Variants in PIGU observed in about 807,000 individuals in gnomAD.
PIGU encodes the protein phosphatidylinositol glycan anchor biosynthesis class U.
A neutral mutation model predicts 49.9 loss-of-function variants in PIGU; 24 were observed. That is an observed-to-expected ratio of 0.48 (90% CI 0.35 to 0.68). PIGU has a LOEUF of 0.68. Among genes scored for constraint, PIGU ranks in the 30% least tolerant of loss-of-function variants. PIGU has a pLI of 0.01. For missense variants in PIGU, 490 were observed against 532.6 expected, an observed-to-expected ratio of 0.92 and a Z score of 0.79; for synonymous variants, 220 against 205.7, an observed-to-expected ratio of 1.07 and a Z score of -0.59.
chr20:34,632,298 A>G (rs1370526585), intron 6 of PIGU, among the ~76,000 whole-genome samples: 1 of 152,124 alleles, frequency 6.6e-6, no homozygotes, highest in Non-Finnish European at 1.5e-5. Flanking sequence ...CTACCCAACT[A>G]TTAATTTGGT....
intron 10 of PIGU, among the ~76,000 whole-genome samples, chr20:34,579,889 C>T (rs753776082): frequency 6.6e-6 from 1 of 152,226 alleles, no homozygotes; most frequent in Non-Finnish European, 1.5e-5. Context: ...AGAGACTCCC[C>T]TGCATAATTA....
chr20:34,593,695 A>G (rs918609303), intron 7 of PIGU, among the ~76,000 whole-genome samples: 20 of 152,352 alleles, frequency 1.3e-4, no homozygotes, highest in African/African-American at 4.3e-4. Context: ...CCTATCTCTC[A>G]CACCATTCAC....
In PIGU at chr20:34,616,155, A is replaced by C. The variant is rs1201114839; in HGVS notation, c.530-16T>G. 6.2e-7 allele frequency: 1 copy of C among 1,611,510 alleles called. No individual in the cohort carries two copies. Among genetic ancestry groups the C allele is most frequent in the Admixed American group, 1.7e-5 (1 of 59,582 alleles). ...AAAGCACTGCCTGTAAAAAGAAAGA[A>C]ATGTATGGAATAATCCAGCCTCATC... On this transcript the variant is annotated splice_polypyrimidine_tract_variant and intron_variant, in intron 6 of 11. Transcript: ENST00000217446.
intron 10 of PIGU, among the ~76,000 whole-genome samples, chr20:34,576,503 C>G (rs531293726): frequency 1.7e-3 from 253 of 152,282 alleles, no homozygotes; most frequent in Non-Finnish European, 2.8e-3. Flanking sequence ...CAGAGGCCCC[C>G]TGCATTCCTT....
chr20:34,591,727 C>T (rs1407932645), intron 7 of PIGU, among the ~76,000 whole-genome samples: 1 of 152,116 alleles, frequency 6.6e-6, no homozygotes, highest in Admixed American at 6.5e-5. Flanking sequence ...ATATTATTAA[C>T]TATAGTCATG....
At chr20:34,568,662 G>A (rs1170954892) in intron 11 of PIGU, among the ~76,000 whole-genome samples, 1 of 152,200 alleles carries the variant, frequency 6.6e-6, no homozygotes, top group African/African-American at 2.4e-5. Flanking sequence ...AGGCAACTCC[G>A]GGAGACAGGA....
chr20:34,617,380 G>A (rs1490652705), intron 6 of PIGU, among the ~76,000 whole-genome samples: 1 of 152,162 alleles, frequency 6.6e-6, no homozygotes, highest in Non-Finnish European at 1.5e-5. Flanking sequence ...CAAGACCATG[G>A]GAACCCCCCT....
At chr20:34,566,549 A>G (rs1351208578) in intron 11 of PIGU, among the ~76,000 whole-genome samples, 1 of 152,198 alleles carries the variant, frequency 6.6e-6, no homozygotes, top group East Asian at 1.9e-4. Flanking sequence ...AGTGCAGGGC[A>G]GGATGGAGAG....
intron 2 of PIGU, among the ~76,000 whole-genome samples, chr20:34,652,308 G>A (rs6120694): frequency 0.99 from 150,668 of 152,276 alleles, 74,548 homozygotes; most frequent in East Asian, 1. Context: ...CCTGGCCTCA[G>A]TTTGACAAAT....
At chr20:34,641,502 G>C (rs1368514790) in intron 4 of PIGU, among the ~76,000 whole-genome samples, 1 of 152,128 alleles carries the variant, frequency 6.6e-6, no homozygotes, top group East Asian at 1.9e-4. Flanking sequence ...GGACAGACTA[G>C]ACTAACATTG....
At chr20:34,589,323 C>T (rs940559607) in intron 7 of PIGU, among the ~76,000 whole-genome samples, 3 of 152,134 alleles carry the variant, frequency 2.0e-5, no homozygotes, top group Non-Finnish European at 4.4e-5. Flanking sequence ...TTTAAAAAAA[C>T]GCCAAATTTG....
chr20:34,658,418 G>A (rs1228664962), intron 1 of PIGU, among the ~76,000 whole-genome samples: 9 of 152,032 alleles, frequency 5.9e-5, no homozygotes, highest in South Asian at 4.1e-4. Context: ...CCGCCACCCC[G>A]TCTGGGAAGT....
At chr20:34,607,542 C>T (rs184156251) in intron 7 of PIGU, among the ~76,000 whole-genome samples, 3 of 152,314 alleles carry the variant, frequency 2.0e-5, no homozygotes, top group Admixed American at 6.5e-5. Context: ...ATCCCATTGA[C>T]AGCCACTTTC....
At chr20:34,646,945 C>T (rs1234381013) in intron 2 of PIGU, among the ~76,000 whole-genome samples, 2 of 151,842 alleles carry the variant, frequency 1.3e-5, no homozygotes, top group South Asian at 2.1e-4. Context: ...CTGCCTCAGC[C>T]TCCCCAGTAG....
intron 4 of PIGU, among the ~76,000 whole-genome samples, chr20:34,639,111 T>C (rs907013633): frequency 2.8e-4 from 43 of 152,142 alleles, no homozygotes; most frequent in African/African-American, 1.0e-3. Flanking sequence ...AATAATACTA[T>C]GTGTTGGGGG....
intron 7 of PIGU, among the ~76,000 whole-genome samples, chr20:34,604,942 C>G (rs6141488): frequency 0.36 from 55,128 of 151,790 alleles, 10,359 homozygotes; most frequent in Admixed American, 0.53. Flanking sequence ...GAATCCAAGG[C>G]TTTAGGAATC....
chr20:34,636,932 A>G (rs1316988629), intron 5 of PIGU, among the ~76,000 whole-genome samples: 2 of 152,236 alleles, frequency 1.3e-5, no homozygotes, highest in Non-Finnish European at 2.9e-5. Flanking sequence ...AGCTACCCCC[A>G]GGACACACAT....
intron 2 of PIGU, among the ~76,000 whole-genome samples, chr20:34,656,637 T>C (rs1164520190): frequency 1.3e-5 from 2 of 151,744 alleles, no homozygotes; most frequent in African/African-American, 4.8e-5. Flanking sequence ...GGCATGGTGG[T>C]GCACACTTGT....
At chr20:34,644,094 A>C in intron 4 of PIGU, 70 bp downstream of exon 4, 1 of 1,348,694 alleles carries the variant, frequency 7.4e-7, no homozygotes, top group Non-Finnish European at 1.1e-6. Context: ...TAAGTATAAG[A>C]TCTTTGTAAT....
Sources: gnomAD v4.1 joint callset for allele counts (sites outside exome capture counted in the v4.1 genomes callset) on GRCh38, gnomAD v4.1.1 for gene constraint, MANE v1.5 for transcripts, NCBI Gene and HGNC (gene_info 2026-07-23, HGNC 2026-07-21) for gene names.